Variants in SERPINB12 observed in about 807,000 individuals in gnomAD.
The protein encoded by SERPINB12 is serpin B12.
In SERPINB12, 57 loss-of-function variants were observed where a neutral mutation model predicts 41.1. That is an observed-to-expected ratio of 1.39 (90% CI 1.12 to 1.73). The LOEUF is 1.73. SERPINB12 is among the 40% of genes most tolerant of loss of function. The pLI is 0.00. For synonymous variants in SERPINB12, 180 were observed against 181.3 expected, an observed-to-expected ratio of 0.99 and a Z score of 0.06; for missense variants, 536 against 501.9, an observed-to-expected ratio of 1.07 and a Z score of -0.65.
At chr18:63,552,078 A>G (rs1030698432) in intron 1 of SERPINB12, among the ~76,000 whole-genome samples, 5 of 152,150 alleles carry the variant, frequency 3.3e-5, no homozygotes, top group Non-Finnish European at 7.4e-5. Context: ...TACATATGGG[A>G]AAATAAGGAT....
chr18:63,565,312 C>A, intron 6 of SERPINB12, 133 bp from the exon 7 acceptor site: 1 of 735,548 alleles, frequency 1.4e-6, no homozygotes, highest in Non-Finnish European at 2.2e-6. Context: ...AGGCTGGATC[C>A]CTGGTGTGGC....
intron 1 of SERPINB12, among the ~76,000 whole-genome samples, chr18:63,554,314 C>A (rs1910607153): frequency 6.6e-6 from 1 of 152,152 alleles, no homozygotes; most frequent in Non-Finnish European, 1.5e-5. Context: ...ATCTACCTTG[C>A]AGAGTTGTAG....
At chr18:63,564,762 G>C (rs964300968) in intron 6 of SERPINB12, among the ~76,000 whole-genome samples, 1 of 152,178 alleles carries the variant, frequency 6.6e-6, no homozygotes, top group Non-Finnish European at 1.5e-5. Context: ...GGCATGGGGT[G>C]GTATGAGGCC....
chr18:63,526,770 G>A, the SERPINB12 span, among the ~76,000 whole-genome samples: 1 of 152,142 alleles, frequency 6.6e-6, no homozygotes, highest in African/African-American at 2.4e-5. Flanking sequence ...ACATTTTACA[G>A]TCACGTGTTG....
intron 1 of SERPINB12, among the ~76,000 whole-genome samples, chr18:63,549,050 A>G (rs1250985928): frequency 6.6e-6 from 1 of 152,190 alleles, no homozygotes; most frequent in African/African-American, 2.4e-5. Flanking sequence ...TTAAACATTT[A>G]GATAAGTCAG....
At chr18:63,541,849 T>C (rs1910279034), upstream of SERPINB12, among the ~76,000 whole-genome samples, 1 of 152,064 alleles carries the variant, frequency 6.6e-6, no homozygotes, top group South Asian at 2.1e-4. Flanking sequence ...AAATAACTGG[T>C]GAGGATGCTC....
upstream of SERPINB12, among the ~76,000 whole-genome samples, chr18:63,539,427 T>C (rs1016439000): frequency 5.3e-5 from 8 of 152,104 alleles, no homozygotes; most frequent in South Asian, 2.1e-4. Flanking sequence ...GTGCTGCATG[T>C]CCCAGTGATT....
chr18:63,556,035 C>A, intron 1 of SERPINB12, 107 bp from the exon 2 acceptor site: 1 of 810,366 alleles, frequency 1.2e-6, no homozygotes, highest in Non-Finnish European at 2.0e-6. Context: ...TAATAGCATA[C>A]TGAATAATTG....
At chr18:63,558,955 A>G (rs931225482) in intron 3 of SERPINB12, among the ~76,000 whole-genome samples, 2 of 150,020 alleles carry the variant, frequency 1.3e-5, no homozygotes, top group African/African-American at 4.9e-5. Context: ...CTACTTTAGA[A>G]AGTTTAAGAG....
intron 4 of SERPINB12, among the ~76,000 whole-genome samples, chr18:63,560,133 C>T (rs553980977): frequency 3.9e-5 from 6 of 152,242 alleles, no homozygotes; most frequent in South Asian, 2.1e-4. Context: ...AGGCTACCCC[C>T]GCAATGCAAT....
At chr18:63,543,419 G>T (rs961741697) in intron 1 of SERPINB12, among the ~76,000 whole-genome samples, 2 of 152,014 alleles carry the variant, frequency 1.3e-5, no homozygotes, top group African/African-American at 4.8e-5. Context: ...TTAATTTAAA[G>T]TTCATTGAGT....
the SERPINB12 span, among the ~76,000 whole-genome samples, chr18:63,534,056 T>C: frequency 6.6e-6 from 1 of 152,208 alleles, no homozygotes; most frequent in Admixed American, 6.5e-5. Flanking sequence ...ATCCTACTGC[T>C]TCCAGTCTTA....
At chr18:63,546,190 G>C (rs1910383575) in intron 1 of SERPINB12, among the ~76,000 whole-genome samples, 1 of 152,116 alleles carries the variant, frequency 6.6e-6, no homozygotes, top group South Asian at 2.1e-4. Flanking sequence ...GAAGATAAAG[G>C]GCTCAGTAGG....
At chr18:63,523,994 G>A in the SERPINB12 span, among the ~76,000 whole-genome samples, 2 of 152,092 alleles carry the variant, frequency 1.3e-5, no homozygotes, top group African/African-American at 4.8e-5. Flanking sequence ...GAAGAAGGCA[G>A]CATTCTCAAC....
At chr18:63,560,794 C>T (rs1910878207) in intron 4 of SERPINB12, among the ~76,000 whole-genome samples, 1 of 152,074 alleles carries the variant, frequency 6.6e-6, no homozygotes, top group African/African-American at 2.4e-5. Flanking sequence ...TGTGATGGCT[C>T]CACAGATGGT....
intron 1 of SERPINB12, among the ~76,000 whole-genome samples, chr18:63,550,049 T>G (rs965411647): frequency 6.6e-6 from 1 of 152,184 alleles, no homozygotes; most frequent in African/African-American, 2.4e-5. Flanking sequence ...GCCAGACATA[T>G]CACAAGCTCA....
At chr18:63,560,399 C>A (rs1197999208) in intron 4 of SERPINB12, among the ~76,000 whole-genome samples, 2 of 152,106 alleles carry the variant, frequency 1.3e-5, no homozygotes, top group African/African-American at 4.8e-5. Context: ...GGTTGGGTGG[C>A]CTCCTTTGGC....
the SERPINB12 span, among the ~76,000 whole-genome samples, chr18:63,524,201 C>A: frequency 5.9e-5 from 9 of 152,068 alleles, no homozygotes; most frequent in African/African-American, 2.2e-4. Context: ...TATTCTAGTT[C>A]CGTATTAGTA....
chr18:63,557,712 C>T (rs1910724671), intron 2 of SERPINB12, among the ~76,000 whole-genome samples: 2 of 152,188 alleles, frequency 1.3e-5, no homozygotes, highest in Admixed American at 6.5e-5. Context: ...CCAAATGGGT[C>T]TGAGTAGTGC....
Sources: allele counts gnomAD v4.1 joint callset (sites outside exome capture counted in the v4.1 genomes callset), GRCh38; gene constraint gnomAD v4.1.1; transcripts MANE v1.5; gene names NCBI Gene and HGNC (gene_info 2026-07-23, HGNC 2026-07-21).